The following DOCK9 variants were observed in gnomAD, a reference collection of about 807,000 sequenced individuals.
DOCK9 encodes the protein dedicator of cytokinesis 9, also known as dedicator of cytokinesis protein 9.
A neutral mutation model predicts 263.3 loss-of-function variants in DOCK9; 89 were observed. The ratio of observed to expected loss-of-function variants is 0.34; its 90% CI spans 0.28 to 0.40. DOCK9 has a LOEUF of 0.40. DOCK9 is among the 10% of genes least tolerant of loss of function. DOCK9 has a pLI of 1.00. For synonymous variants in DOCK9, 976 were observed against 973.1 expected, an observed-to-expected ratio of 1.00 and a Z score of -0.06; for missense variants, 2,140 against 2,603.4, an observed-to-expected ratio of 0.82 and a Z score of 3.87.
chr13:98,997,615 C>T (rs565846722), intron 1 of DOCK9, among the ~76,000 whole-genome samples: 2 of 152,350 alleles, frequency 1.3e-5, no homozygotes, highest in South Asian at 2.1e-4. Flanking sequence ...TCAACACTTC[C>T]TTCCCTCACT....
In DOCK9 at chr13:98,797,432, G is replaced by A; in HGVS notation, c.5974C>T (p.Arg1992Ter). The A allele has an allele frequency of 2.5e-6, 4 of 1,613,556 alleles. No homozygotes were observed. Among genetic ancestry groups the A allele is most frequent in the Middle Eastern group, 1.6e-4 (1 of 6,062 alleles). Residue 1992 changes from arginine to a stop codon, truncating the protein, a stop_gained, in exon 51 of 53, where the codon CGA (arginine) becomes TGA (stop). Coordinates refer to ENST00000682017, the MANE Select transcript of DOCK9 (RefSeq NM_001366683.2). LOFTEE classifies it high-confidence loss of function. ...RAFLDDTNTK[R>*]YPDNKVKLLK... ...AGCTTCACTTTATTGTCAGGATATC[G>A]CTTTGTGTTTGTATCATCTAAGAAA... is the stretch of plus-strand genomic sequence containing the variant.
At chr13:99,056,957 G>C (rs914585802) in intron 1 of DOCK9, among the ~76,000 whole-genome samples, 37 of 152,302 alleles carry the variant, frequency 2.4e-4, no homozygotes, top group African/African-American at 8.7e-4. Flanking sequence ...TCACCTCCCT[G>C]GGGGATTAGA....
At chr13:98,925,767 G>T (rs1383084145) in intron 4 of DOCK9, 70 bp downstream of exon 4, 9 of 1,072,000 alleles carry the variant, frequency 8.4e-6, no homozygotes, top group Non-Finnish European at 9.4e-6. Context: ...TGCATATGAA[G>T]TTACATACCT....
At chr13:98,796,661 A>G (rs1289313) in intron 52 of DOCK9, among the ~76,000 whole-genome samples, 123,818 of 152,220 alleles carry the variant, frequency 0.81, 50,744 homozygotes, top group Non-Finnish European at 0.87. Context: ...ACTGTACATC[A>G]TCAAAAATGG....
rs1468423923 is a variant in DOCK9 at position 98,923,327 on chromosome 13, A to G, written c.461T>C (p.Val154Ala). Reference sequence around the variant, plus strand: ...CTCATCTTTGTCGACCTCCTCGTCAACTTCATAGACATGAACTGGAAGTTT... The same window carrying G: ...CTCATCTTTGTCGACCTCCTCGTCAGCTTCATAGACATGAACTGGAAGTTT... ...LDKLPVHVYE[V>A]DEEVDKDEDA... The change falls in exon 5 of 53, where the codon GTT becomes GCT. Residue 154 changes from valine (V) to alanine (A), a missense_variant. Physicochemically the swap from Val to Ala is moderately conservative, Grantham distance 64 (BLOSUM62 0). Around this residue, in one of 2 missense-constraint regions of DOCK9, gnomAD observed 1,521 missense variants for 1,741.7 expected, o/e 0.87. Coordinates refer to ENST00000682017, the MANE Select transcript of DOCK9 (RefSeq NM_001366683.2). The G allele has an allele frequency of 2.5e-6, 4 of 1,613,822 alleles. No individual in the cohort carries two copies. The highest frequency in any genetic ancestry group is 1.3e-5 in the African/African-American group (1 of 74,934).
At chr13:98,990,070 T>C (rs1272154752) in intron 1 of DOCK9, among the ~76,000 whole-genome samples, 1 of 152,220 alleles carries the variant, frequency 6.6e-6, no homozygotes, top group Non-Finnish European at 1.5e-5. Context: ...AAGCCTTAGT[T>C]GCTCACAGCC....
intron 18 of DOCK9, among the ~76,000 whole-genome samples, chr13:98,887,272 T>C (rs2045911607): frequency 6.6e-6 from 1 of 150,856 alleles, no homozygotes; most frequent in South Asian, 2.1e-4. Flanking sequence ...TTGGTTCCAC[T>C]AATGTTTTAC....
intron 39 of DOCK9, chr13:98,833,065 T>C (rs1467563286): frequency 6.6e-6 from 1 of 152,142 alleles, no homozygotes; most frequent in African/African-American, 2.4e-5. Context: ...CTTTCTATCA[T>C]GAAATACTAA....
intron 13 of DOCK9, among the ~76,000 whole-genome samples, chr13:98,898,861 A>G (rs1340513069): frequency 2.0e-5 from 3 of 152,218 alleles, no homozygotes; most frequent in Admixed American, 6.5e-5. Flanking sequence ...TTGATTGATT[A>G]ATTCACAGTG....
Position 98,942,489 on chromosome 13 carries a change from C to T in DOCK9, c.244-12232G>A, listed in dbSNP as rs533947658. On this transcript the variant is annotated intron_variant, in intron 2 of 52. Coordinates refer to ENST00000682017, the MANE Select transcript of DOCK9 (RefSeq NM_001366683.2). The stretch of plus-strand genomic sequence containing the variant: ...TCCTGACCTCGTGATCTGCCCACCT[C>T]GGCCTCCCAAAGTTCTGGGATTACA... Among the ~76,000 whole-genome samples the T allele has an allele frequency of 4.6e-5, 7 of 152,250 alleles. No homozygotes were observed. The South Asian group carries it at 6.2e-4, about 14-fold the overall frequency.
intron 1 of DOCK9, among the ~76,000 whole-genome samples, chr13:99,060,061 A>AC (rs1258165902): frequency 2.9e-5 from 2 of 69,318 alleles, no homozygotes; most frequent in Non-Finnish European, 5.5e-5. Context: ...GATTGTTTCT[A>AC]CTTTTTTTTT....
intron 49 of DOCK9, among the ~76,000 whole-genome samples, chr13:98,800,765 T>C (rs911537188): frequency 8.5e-5 from 13 of 152,160 alleles, no homozygotes; most frequent in African/African-American, 3.1e-4. Flanking sequence ...CACTCAAACC[T>C]TCCTTGGAAG....
intron 10 of DOCK9, 23 bp downstream of exon 10, chr13:98,904,609 T>G (rs17783411): frequency 0.065 from 98,736 of 1,513,554 alleles, 3,804 homozygotes; most frequent in Non-Finnish European, 0.077. Context: ...GTTTTAAATA[T>G]TAAACATTTA....
chr13:98,939,681 T>G (rs1358990724), intron 2 of DOCK9, among the ~76,000 whole-genome samples: 1 of 152,174 alleles, frequency 6.6e-6, no homozygotes, highest in Admixed American at 6.5e-5. Flanking sequence ...AAGACTGAGC[T>G]CTTCAGGAGC....
chr13:98,916,525 G>C (rs1443904650), intron 7 of DOCK9, among the ~76,000 whole-genome samples: 1 of 152,170 alleles, frequency 6.6e-6, no homozygotes, highest in Admixed American at 6.5e-5. Flanking sequence ...CTCAGGGACA[G>C]GGCAACCCTC....
At chr13:98,809,331 C>A (rs1439215396) in intron 47 of DOCK9, 21 bp downstream of exon 47, 1 of 1,592,136 alleles carries the variant, frequency 6.3e-7, no homozygotes. Flanking sequence ...GGACAGTCTG[C>A]AGAATGGACA....
Position 98,977,824 on chromosome 13 carries a change from GC to G in DOCK9, c.85del (p.Ala29LeufsTer19). On this transcript the variant is annotated frameshift_variant, in exon 1 of 53. Transcript: ENST00000682017. LOFTEE classifies it high-confidence loss of function. ...GCTCTCTGCTTCCACTTCGCCCTGAGCTGCATCCTTGTATTGCAGGGGGGAC... is the reference window on the plus strand; with the variant it reads ...GCTCTCTGCTTCCACTTCGCCCTGAGTGCATCCTTGTATTGCAGGGGGGAC... ...IESPLQYKDA[A>X]QGEVEAESPG... 1 of 1,610,648 alleles carries G rather than the reference GC, an allele frequency of 6.2e-7. No individual in the cohort carries two copies. The highest frequency in any genetic ancestry group is 8.5e-7 in the Non-Finnish European group (1 of 1,178,400).
At chr13:99,056,838 G>A (rs12854836) in intron 1 of DOCK9, among the ~76,000 whole-genome samples, 3 of 152,176 alleles carry the variant, frequency 2.0e-5, no homozygotes, top group Admixed American at 6.5e-5. Flanking sequence ...GCAGCTCCTC[G>A]CCCTGAGGAA....
intron 50 of DOCK9, among the ~76,000 whole-genome samples, chr13:98,798,386 C>G (rs772302): frequency 0.77 from 116,617 of 152,026 alleles, 45,166 homozygotes; most frequent in Non-Finnish European, 0.83. Flanking sequence ...GACGTGGAGA[C>G]ACAGGAGGGT....
Sources: gnomAD v4.1 joint callset for allele counts (sites outside exome capture counted in the v4.1 genomes callset) on GRCh38, gnomAD v4.1.1 for gene constraint, gnomAD v4.1.1 regional missense constraint, MANE v1.5 for transcripts, NCBI Gene and HGNC (gene_info 2026-07-23, HGNC 2026-07-21) for gene names.